PSD3: variants seen among roughly 807,000 people sequenced by gnomAD.
PSD3 encodes pleckstrin and Sec7 domain containing 3, also known as PH and SEC7 domain-containing protein 3.
In PSD3, 49 loss-of-function variants were observed where a neutral mutation model predicts 105.5. That is an observed-to-expected ratio of 0.46 (90% CI 0.37 to 0.59). The LOEUF (loss-of-function observed/expected upper bound fraction) is 0.59. PSD3 is among the 20% of genes least tolerant of loss of function. The probability of loss-of-function intolerance (pLI) is 0.00; values close to 1 mark genes in which losing one functional copy is unlikely to be tolerated. For missense variants in PSD3, 1,561 were observed against 1,263.8 expected, an observed-to-expected ratio of 1.24 and a Z score of -3.57; for synonymous variants, 557 against 457.8, an observed-to-expected ratio of 1.22 and a Z score of -2.77.
At chr8:19,052,665 G>C (rs1268502893) in intron 1 of PSD3, among the ~76,000 whole-genome samples, 1 of 152,106 alleles carries the variant, frequency 6.6e-6, no homozygotes, top group Non-Finnish European at 1.5e-5. Flanking sequence ...GGAAGTCCAA[G>C]TTGGGAAAGG....
At chr8:18,807,195 C>A (rs1354723940) in intron 4 of PSD3, among the ~76,000 whole-genome samples, 1 of 152,186 alleles carries the variant, frequency 6.6e-6, no homozygotes, top group Non-Finnish European at 1.5e-5. Flanking sequence ...TACAAGTTCC[C>A]TTTTCCCACT....
rs1469777175 is a variant in PSD3 at position 19,025,899 on chromosome 8, T to A, written c.324+58307A>T. Reference sequence around the variant, plus strand: ...TGTTAGTCTGTTCCCACACTACCAATAAAGACATACCTGAGACTGGGTAAT... The same window carrying A: ...TGTTAGTCTGTTCCCACACTACCAAAAAAGACATACCTGAGACTGGGTAAT... On this transcript the variant is annotated intron_variant, in intron 1 of 1. Coordinates refer to the PSD3 transcript ENST00000521475. 1.3e-5 allele frequency among the ~76,000 whole-genome samples: 2 copies of A among 152,122 alleles called. 1 individual carries two copies. Among genetic ancestry groups the A allele is most frequent in the South Asian group, 4.1e-4 (2 of 4,820 alleles).
intron 1 of PSD3, among the ~76,000 whole-genome samples, chr8:19,047,910 G>A (rs947970418): frequency 5.3e-5 from 8 of 152,120 alleles, no homozygotes; most frequent in African/African-American, 1.4e-4. Flanking sequence ...TCACAGCTAG[G>A]TTTGGCTATT....
chr8:18,949,235 AAAAAAAAAAAT>A (rs1487669699), intron 1 of PSD3, among the ~76,000 whole-genome samples: 4 of 81,640 alleles, frequency 4.9e-5, no homozygotes, highest in African/African-American at 1.5e-4. Flanking sequence ...AAAAAAAAAA[AAAAAAAAAAAT>A]ATATATATAT....
intron 11 of PSD3, among the ~76,000 whole-genome samples, chr8:18,608,508 T>C (rs1005300208): frequency 1.3e-5 from 2 of 152,208 alleles, no homozygotes; most frequent in African/African-American, 4.8e-5. Flanking sequence ...ATGGGTGATA[T>C]TGGAGCCATC....
At chr8:19,048,246 T>C (rs1466100866) in intron 1 of PSD3, among the ~76,000 whole-genome samples, 1 of 152,030 alleles carries the variant, frequency 6.6e-6, no homozygotes, top group Non-Finnish European at 1.5e-5. Flanking sequence ...TAAAGAGAGG[T>C]GGCCCCACCC....
At chr8:18,540,862 C>T (rs889494612) in intron 15 of PSD3, among the ~76,000 whole-genome samples, 1 of 152,154 alleles carries the variant, frequency 6.6e-6, no homozygotes, top group African/African-American at 2.4e-5. Flanking sequence ...ATGGGCCACC[C>T]CTTTCCCGTG....
intron 1 of PSD3, among the ~76,000 whole-genome samples, chr8:18,952,552 C>T (rs954438712): frequency 2.0e-5 from 3 of 152,144 alleles, no homozygotes; most frequent in African/African-American, 7.2e-5. Flanking sequence ...GATTACAAAT[C>T]CCTAATTGTG....
At chr8:18,698,774 G>A (rs998636685) in intron 9 of PSD3, among the ~76,000 whole-genome samples, 13 of 152,122 alleles carry the variant, frequency 8.5e-5, no homozygotes, top group African/African-American at 3.1e-4. Context: ...GTCAGAAGTA[G>A]GTGTATTGAT....
intron 11 of PSD3, among the ~76,000 whole-genome samples, chr8:18,604,008 C>A (rs894409699): frequency 6.6e-5 from 10 of 152,004 alleles, no homozygotes; most frequent in African/African-American, 2.4e-4. Context: ...GAAAATGGAC[C>A]AATACAGAAA....
At chr8:18,733,934 A>G (rs1013048296) in intron 9 of PSD3, 2 of 152,326 alleles carry the variant, frequency 1.3e-5, no homozygotes, top group African/African-American at 4.8e-5. Context: ...ACAGAAGGCC[A>G]AAACCACAGA....
At chr8:18,749,356 T>C (rs1271181686) in intron 9 of PSD3, among the ~76,000 whole-genome samples, 1 of 152,174 alleles carries the variant, frequency 6.6e-6, no homozygotes, top group Admixed American at 6.5e-5. Flanking sequence ...TGCTACCATC[T>C]CAAAGGGGCT....
intron 2 of PSD3, among the ~76,000 whole-genome samples, chr8:18,916,088 C>T (rs1586414482): frequency 6.6e-6 from 1 of 151,772 alleles, no homozygotes; most frequent in Non-Finnish European, 1.5e-5. Flanking sequence ...AAGAGCGAAA[C>T]TCCGACTCAA....
chr8:18,966,063 A>G (rs1482189516), intron 1 of PSD3, among the ~76,000 whole-genome samples: 1 of 152,220 alleles, frequency 6.6e-6, no homozygotes, highest in Admixed American at 6.5e-5. Context: ...AATGTGCTGT[A>G]TAACTTTTCC....
intron 12 of PSD3, among the ~76,000 whole-genome samples, chr8:18,578,592 C>A (rs1802607506): frequency 6.6e-6 from 1 of 152,050 alleles, no homozygotes. Context: ...AAACACAAAA[C>A]CAATTGGTAG....
intron 11 of PSD3, among the ~76,000 whole-genome samples, chr8:18,621,024 C>T (rs1350897279): frequency 2.0e-5 from 3 of 152,198 alleles, no homozygotes; most frequent in Admixed American, 6.5e-5. Context: ...ACTGAACATT[C>T]CTCTTTCAGA....
intron 15 of PSD3, among the ~76,000 whole-genome samples, chr8:18,541,081 A>C (rs1189193434): frequency 2.0e-5 from 3 of 151,814 alleles, no homozygotes; most frequent in Non-Finnish European, 2.9e-5. Flanking sequence ...TCAAAATCTA[A>C]AACTGGAACA....
At chr8:18,877,789 C>T (rs865904600) in intron 2 of PSD3, among the ~76,000 whole-genome samples, 26 of 152,030 alleles carry the variant, frequency 1.7e-4, no homozygotes, top group African/African-American at 5.3e-4. Context: ...TGATCCCTCC[C>T]GCCTCAGCCT....
rs1271021659 is a variant in PSD3, at chr8:18,586,792, A to G, written c.2482-11507T>C. Among the ~76,000 whole-genome samples, 4 of 152,118 alleles carry G rather than the reference A, an allele frequency of 2.6e-5. No individual in the cohort carries two copies. In the East Asian group the frequency reaches 7.7e-4, roughly 29 times the overall value. On this transcript the variant is annotated intron_variant, in intron 12 of 15. Coordinates refer to ENST00000327040, the MANE Select transcript of PSD3 (RefSeq NM_015310.4). ...GACGTTGGCAGCCGCAAGGGGGAAAATGGAGGGCACTCAGGAGGGAAGTTA... is the reference window on the plus strand; with the variant it reads ...GACGTTGGCAGCCGCAAGGGGGAAAGTGGAGGGCACTCAGGAGGGAAGTTA...
Sources: allele counts gnomAD v4.1 joint callset (sites outside exome capture counted in the v4.1 genomes callset), GRCh38; gene constraint gnomAD v4.1.1; transcripts MANE v1.5; gene names NCBI Gene and HGNC (gene_info 2026-07-23, HGNC 2026-07-21).